TCF4: variants seen among roughly 807,000 people sequenced by gnomAD.
TCF4 encodes the protein SL3-3 enhancer factor 2.
In TCF4, 3 loss-of-function variants were observed where a neutral mutation model predicts 82.1. That is an observed-to-expected ratio of 0.04 (90% CI 0.02 to 0.09). The LOEUF is 0.09. TCF4 is among the 10% of genes least tolerant of loss of function. The pLI, the probability that TCF4 is intolerant of heterozygous loss-of-function variation, is 1.00. For missense variants in TCF4, 518 were observed against 852.7 expected, an observed-to-expected ratio of 0.61 and a Z score of 4.89; for synonymous variants, 276 against 309.6, an observed-to-expected ratio of 0.89 and a Z score of 1.14.
chr18:55,632,101 C>T (rs112311990), intron 1 of TCF4, among the ~76,000 whole-genome samples: 4,639 of 152,214 alleles, frequency 0.03, 100 homozygotes, highest in African/African-American at 0.037. Context: ...TGCAGTGGCA[C>T]GATCTCGGCT....
chr18:55,233,512 G>A (rs1279209141), intron 16 of TCF4, among the ~76,000 whole-genome samples: 1 of 152,062 alleles, frequency 6.6e-6, no homozygotes, highest in Non-Finnish European at 1.5e-5. Flanking sequence ...AAAATCCAAA[G>A]CCTCCTGATA....
chr18:55,434,271 T>C (rs548873537), intron 5 of TCF4, among the ~76,000 whole-genome samples: 1 of 152,314 alleles, frequency 6.6e-6, no homozygotes, highest in African/African-American at 2.4e-5. Context: ...GACAAGCAAA[T>C]GTCTACTTCA....
rs2095139111 is a variant in TCF4 at position 55,430,065 on chromosome 18, T to A, written c.305-26547A>T. 2.0e-5 allele frequency among the ~76,000 whole-genome samples: 3 copies of A among 152,162 alleles called. No individual in the cohort carries two copies. In the South Asian group the frequency reaches 6.2e-4, roughly 32 times the overall value. On this transcript the variant is annotated intron_variant, in intron 5 of 19. Coordinates refer to ENST00000354452, the MANE Select transcript of TCF4 (RefSeq NM_001083962.2). ...TGTTAAATGTTACGTGGTATATTTT[T>A]AAATATAATATTAATATTAGAACAT...
intron 8 of TCF4, among the ~76,000 whole-genome samples, chr18:55,318,996 G>C (rs981339213): frequency 1.3e-5 from 2 of 152,094 alleles, no homozygotes; most frequent in Non-Finnish European, 2.9e-5. Context: ...TCAGTTCAGG[G>C]AGTTCAAACT....
intron 5 of TCF4, among the ~76,000 whole-genome samples, chr18:55,434,419 C>CTTTT (rs765165999): frequency 0.074 from 8,706 of 118,090 alleles, 1,024 homozygotes; most frequent in African/African-American, 0.22. Context: ...ACAGGACATT[C>CTTTT]TTTTTTTTTT....
intron 1 of TCF4, chr18:55,631,435 T>C: frequency 6.5e-7 from 1 of 1,531,874 alleles, no homozygotes; most frequent in Non-Finnish European, 8.8e-7. Flanking sequence ...TGAAGGCAGG[T>C]AGACAAGTTA....
intron 8 of TCF4, among the ~76,000 whole-genome samples, chr18:55,324,179 C>T (rs1000864606): frequency 6.6e-6 from 1 of 152,176 alleles, no homozygotes; most frequent in Non-Finnish European, 1.5e-5. Flanking sequence ...AGCTTCTGGG[C>T]TTCATTGCCT....
At chr18:55,440,695 T>C (rs1485048059) in intron 5 of TCF4, among the ~76,000 whole-genome samples, 1 of 152,206 alleles carries the variant, frequency 6.6e-6, no homozygotes, top group Non-Finnish European at 1.5e-5. Flanking sequence ...TTGGGGATGT[T>C]TTCTGATATT....
chr18:55,258,339 T>C (rs911999829), intron 13 of TCF4, among the ~76,000 whole-genome samples: 2 of 152,202 alleles, frequency 1.3e-5, no homozygotes, highest in African/African-American at 4.8e-5. Context: ...TCTTCCATGA[T>C]GCATTACCAA....
chr18:55,562,994 C>T (rs1276304293), intron 3 of TCF4, among the ~76,000 whole-genome samples: 3 of 152,100 alleles, frequency 2.0e-5, no homozygotes. Context: ...AATTCCAACA[C>T]TTTGGGAGGC....
At chr18:55,511,995 A>C (rs189359049) in intron 3 of TCF4, among the ~76,000 whole-genome samples, 1 of 152,314 alleles carries the variant, frequency 6.6e-6, no homozygotes, top group African/African-American at 2.4e-5. Context: ...TTACACATGT[A>C]ATAAGAATCA....
intron 3 of TCF4, among the ~76,000 whole-genome samples, chr18:55,527,806 A>C (rs1197236542): frequency 6.6e-6 from 1 of 152,186 alleles, no homozygotes; most frequent in Non-Finnish European, 1.5e-5. Flanking sequence ...TAAAATTAAA[A>C]CTGGTAAACA....
chr18:55,232,637 G>A lies in TCF4; in HGVS notation c.1521C>T (p.Ser507=). Residue 507 remains serine (S), a synonymous_variant, in exon 17 of 20, where the codon TCC becomes TCT. Coordinates refer to ENST00000354452, the MANE Select transcript of TCF4 (RefSeq NM_001083962.2). ...CGGATTTGATCTCAGAGCTGCCAGA[G>A]GAGACACTCTGCCCCTGTAGTCCTG... ...MPPGLQGQSV[S]SGSSEIKSDD... The A allele has an allele frequency of 1.9e-6, 3 of 1,614,156 alleles. No individual in the cohort carries two copies. Among genetic ancestry groups the A allele is most frequent in the Middle Eastern group, 1.6e-4 (1 of 6,062 alleles).
chr18:55,561,139 T>C (rs945434307), intron 3 of TCF4, among the ~76,000 whole-genome samples: 1 of 152,224 alleles, frequency 6.6e-6, no homozygotes, highest in Non-Finnish European at 1.5e-5. Context: ...TTCAATCTTC[T>C]TTTGTCTAAG....
intron 2 of TCF4, among the ~76,000 whole-genome samples, chr18:55,626,873 T>C (rs761707283): frequency 5.9e-5 from 9 of 152,172 alleles, no homozygotes; most frequent in Non-Finnish European, 1.2e-4. Flanking sequence ...ACAGAGCACA[T>C]AAACTGGGAG....
chr18:55,538,204 A>C, intron 3 of TCF4, among the ~76,000 whole-genome samples: 1 of 152,186 alleles, frequency 6.6e-6, no homozygotes, highest in Admixed American at 6.5e-5. Flanking sequence ...TGTCTATAAT[A>C]AAATCAATGT....
upstream of TCF4, among the ~76,000 whole-genome samples, chr18:55,592,412 C>T (rs2097686546): frequency 6.6e-6 from 1 of 152,158 alleles, no homozygotes; most frequent in Non-Finnish European, 1.5e-5. Context: ...TGAATTCTCA[C>T]ATAGTGGAGA....
intron 8 of TCF4, among the ~76,000 whole-genome samples, chr18:55,335,710 C>T (rs2078485416): frequency 1.3e-5 from 2 of 151,970 alleles, no homozygotes; most frequent in South Asian, 2.1e-4. Flanking sequence ...TTCCATAATA[C>T]AATGGTATTA....
intron 11 of TCF4, among the ~76,000 whole-genome samples, chr18:55,262,823 T>C (rs933230816): frequency 1.3e-5 from 2 of 152,230 alleles, no homozygotes. Flanking sequence ...CTTTTTTGTT[T>C]TGAGATGGAG....
Sources: gnomAD v4.1 joint callset for allele counts (sites outside exome capture counted in the v4.1 genomes callset) on GRCh38, gnomAD v4.1.1 for gene constraint, MANE v1.5 for transcripts, NCBI Gene and HGNC (gene_info 2026-07-23, HGNC 2026-07-21) for gene names.